ZEB1: variants seen among roughly 807,000 people sequenced by gnomAD.
ZEB1 encodes zinc finger E-box binding homeobox 1.
Under a neutral mutation model 84.9 loss-of-function variants are expected in ZEB1, and 21 were observed. That is an observed-to-expected ratio of 0.25 (90% CI 0.18 to 0.36). ZEB1 has a LOEUF of 0.36. Ranked by LOEUF, ZEB1 falls within the 10% of genes least tolerant of loss-of-function variation. The pLI, the probability that ZEB1 is intolerant of heterozygous loss-of-function variation, is 1.00. For synonymous variants in ZEB1, 420 were observed against 471.1 expected (o/e 0.89, Z 1.41); for missense variants, 1,104 against 1,330.2 (o/e 0.83, Z 2.65).
At chr10:31,523,587 C>G (rs942326304) in intron 7 of ZEB1, among the ~76,000 whole-genome samples, 1 of 152,206 alleles carries the variant, frequency 6.6e-6, no homozygotes, top group African/African-American at 2.4e-5. Flanking sequence ...GCAAATTTCT[C>G]GTAAAGTAAT....
rs557729820 is a variant in ZEB1, at chr10:31,366,158, G to C, written c.58+46866G>C. ...CTTTCCCCCAATCTAAAATCTCTCT[G>C]ACTAGCCCTGAACTTACTTTTTATA... On this transcript the variant is annotated intron_variant, in intron 1 of 8. Coordinates refer to ENST00000424869, the MANE Select transcript of ZEB1 (RefSeq NM_001174096.2). Among the ~76,000 whole-genome samples, 223 of 152,190 alleles carry C rather than the reference G, an allele frequency of 1.5e-3. 2 individuals carry two copies. Among genetic ancestry groups the C allele is most frequent in the Non-Finnish European group, 2.0e-3 (133 of 67,998 alleles).
intron 1 of ZEB1, among the ~76,000 whole-genome samples, chr10:31,390,440 G>C (rs2049423336): frequency 1.3e-5 from 2 of 152,132 alleles, no homozygotes; most frequent in Non-Finnish European, 2.9e-5. Flanking sequence ...CAAGGATTTA[G>C]TCCATACATA....
chr10:31,492,798 A>G (rs760895848), intron 2 of ZEB1, among the ~76,000 whole-genome samples: 6 of 151,920 alleles, frequency 3.9e-5, no homozygotes, highest in Non-Finnish European at 1.5e-5. Context: ...CTGGATTTTT[A>G]TTAGAATGAA....
intron 2 of ZEB1, among the ~76,000 whole-genome samples, chr10:31,469,642 G>A (rs942078859): frequency 7.3e-5 from 11 of 151,450 alleles, no homozygotes; most frequent in African/African-American, 2.2e-4. Context: ...GGGGAGGGGC[G>A]CCCGCCATTG....
chr10:31,514,070 GTATTTTTTTAAT>G (rs1352028160), intron 5 of ZEB1, among the ~76,000 whole-genome samples: 1 of 152,068 alleles, frequency 6.6e-6, no homozygotes, highest in East Asian at 1.9e-4. Context: ...AAAACTGGAA[GTATTTTTTTAAT>G]CATCAGATTA....
chr10:31,335,486 A>ATAT (rs2037825130), intron 1 of ZEB1, among the ~76,000 whole-genome samples: 1 of 152,200 alleles, frequency 6.6e-6, no homozygotes, highest in South Asian at 2.1e-4. Context: ...AGTTGGTTTT[A>ATAT]TATTAGAAAG....
At chr10:31,419,789 A>T (rs1472389825) in intron 1 of ZEB1, among the ~76,000 whole-genome samples, 2 of 152,172 alleles carry the variant, frequency 1.3e-5, no homozygotes, top group Non-Finnish European at 2.9e-5. Flanking sequence ...GAAGTGCTTA[A>T]GCTGTGCCAG....
chr10:31,363,039 G>A, intron 1 of ZEB1: 1 of 1,533,606 alleles, frequency 6.5e-7, no homozygotes, highest in Non-Finnish European at 8.7e-7. Flanking sequence ...GCAGGGGAGG[G>A]GTCGGTTGCA....
chr10:31,421,921 C>A lies in ZEB1; in HGVS notation c.59-39116C>A, dbSNP rs560528550. On this transcript the variant is annotated intron_variant, in intron 1 of 8. Transcript: ENST00000424869. The stretch of plus-strand genomic sequence containing the variant: ...AATCAATCACTGCACCAACTCAAAT[C>A]ACAGTATTCCCCCCCTCCCCGCTGA... Among the ~76,000 whole-genome samples, 435 of 152,140 alleles carry A rather than the reference C, an allele frequency of 2.9e-3. 3 individuals carry two copies. The highest frequency in any genetic ancestry group is 9.9e-3 in the African/African-American group (412 of 41,510).
At chr10:31,389,653 A>C (rs1012266412) in intron 1 of ZEB1, 1 of 152,180 alleles carries the variant, frequency 6.6e-6, no homozygotes, top group East Asian at 1.9e-4. Context: ...CTAGACCAGC[A>C]CTATATGGTA....
At chr10:31,462,638 G>A (rs2061945980) in intron 2 of ZEB1, among the ~76,000 whole-genome samples, 1 of 152,154 alleles carries the variant, frequency 6.6e-6, no homozygotes, top group African/African-American at 2.4e-5. Flanking sequence ...CTTGAGCAAA[G>A]TGTTCACAGA....
chr10:31,524,485 AG>A (rs1470976107), intron 8 of ZEB1, among the ~76,000 whole-genome samples: 1 of 152,138 alleles, frequency 6.6e-6, no homozygotes, highest in African/African-American at 2.4e-5. Flanking sequence ...CTGGTATTAC[AG>A]GCATGAGCCA....
At chr10:31,349,719 C>T (rs2040977894) in intron 1 of ZEB1, among the ~76,000 whole-genome samples, 1 of 152,022 alleles carries the variant, frequency 6.6e-6, no homozygotes, top group Non-Finnish European at 1.5e-5. Context: ...GTATGTCATC[C>T]CTTATGAAAT....
intron 1 of ZEB1, among the ~76,000 whole-genome samples, chr10:31,341,655 C>A (rs1164506788): frequency 6.6e-6 from 1 of 151,820 alleles, no homozygotes. Context: ...AAGCATAAGA[C>A]CATCAAGGGA....
chr10:31,401,581 G>A (rs924479158), intron 1 of ZEB1, among the ~76,000 whole-genome samples: 3 of 152,070 alleles, frequency 2.0e-5, no homozygotes, highest in African/African-American at 4.8e-5. Flanking sequence ...AGTGTTTCTC[G>A]CAGATAAAAT....
intron 1 of ZEB1, among the ~76,000 whole-genome samples, chr10:31,448,022 C>T (rs2060022224): frequency 1.3e-5 from 2 of 150,296 alleles, no homozygotes; most frequent in Non-Finnish European, 3.0e-5. Context: ...CAACTTGGTT[C>T]CATTCTCCCC....
chr10:31,466,634 A>G (rs562981277), intron 2 of ZEB1, among the ~76,000 whole-genome samples: 3 of 152,332 alleles, frequency 2.0e-5, no homozygotes, highest in African/African-American at 7.2e-5. Flanking sequence ...TTTTATAGCA[A>G]TAAATGCCTA....
intron 2 of ZEB1, among the ~76,000 whole-genome samples, chr10:31,462,884 C>T (rs1376448482): frequency 8.6e-5 from 13 of 151,746 alleles, no homozygotes; most frequent in Non-Finnish European, 4.4e-5. Flanking sequence ...AAGTAGTTGC[C>T]CATGGGATGG....
At chr10:31,393,751 T>C (rs1425335224) in intron 1 of ZEB1, among the ~76,000 whole-genome samples, 1 of 152,216 alleles carries the variant, frequency 6.6e-6, no homozygotes, top group East Asian at 1.9e-4. Flanking sequence ...TTCAAATACA[T>C]TTAAGAACCA....
Sources: gnomAD v4.1 joint callset for allele counts (sites outside exome capture counted in the v4.1 genomes callset) on GRCh38, gnomAD v4.1.1 for gene constraint, MANE v1.5 for transcripts, NCBI Gene and HGNC (gene_info 2026-07-23, HGNC 2026-07-21) for gene names.